MYH15: variants seen among roughly 807,000 people sequenced by gnomAD.
MYH15 encodes myosin-15.
MYH15 carries 227 observed loss-of-function variants against 240.5 expected under a neutral mutation model. The ratio of observed to expected loss-of-function variants is 0.94; its 90% CI spans 0.85 to 1.05. The LOEUF (loss-of-function observed/expected upper bound fraction) is 1.05. Ranked by LOEUF, MYH15 falls within the 50% of genes least tolerant of loss-of-function variation. The pLI, the probability that MYH15 is intolerant of heterozygous loss-of-function variation, is 0.00. For missense variants in MYH15, 2,217 were observed against 2,247.5 expected (o/e 0.99, Z 0.27); for synonymous variants, 785 against 796.7 (o/e 0.99, Z 0.25).
intron 5 of MYH15, among the ~76,000 whole-genome samples, chr3:108,499,032 C>T (rs2083415589): frequency 6.6e-6 from 1 of 152,202 alleles, no homozygotes. Context: ...GTTTCCACTG[C>T]TTCATGTACT....
At chr3:108,474,871 C>T (rs1018699395) in intron 12 of MYH15, among the ~76,000 whole-genome samples, 9 of 152,104 alleles carry the variant, frequency 5.9e-5, no homozygotes, top group Non-Finnish European at 1.2e-4. Context: ...GGAGCACTTA[C>T]GGCTTACAGG....
chr3:108,421,634 T>A (rs2082685308), intron 27 of MYH15, among the ~76,000 whole-genome samples: 1 of 152,100 alleles, frequency 6.6e-6, no homozygotes, highest in Non-Finnish European at 1.5e-5. Context: ...TATAGAATAG[T>A]GCCTGGCACA....
At chr3:108,548,629 C>G in the MYH15 span, among the ~76,000 whole-genome samples, 2 of 152,054 alleles carry the variant, frequency 1.3e-5, no homozygotes, top group African/African-American at 4.8e-5. Context: ...AAGTCACAAA[C>G]AGGACACATG....
intron 22 of MYH15, among the ~76,000 whole-genome samples, chr3:108,441,661 A>G (rs1560369293): frequency 6.6e-6 from 1 of 152,228 alleles, no homozygotes; most frequent in Non-Finnish European, 1.5e-5. Flanking sequence ...TTAAGAAAGC[A>G]GAGTTCCCTC....
At chr3:108,407,419 T>TG (rs2082554866) in intron 32 of MYH15, among the ~76,000 whole-genome samples, 1 of 152,198 alleles carries the variant, frequency 6.6e-6, no homozygotes, top group African/African-American at 2.4e-5. Context: ...GTCAGGAAGA[T>TG]GAAGTTCAGC....
At chr3:108,522,334 G>T (rs201000453) in intron 1 of MYH15, among the ~76,000 whole-genome samples, 7 of 152,198 alleles carry the variant, frequency 4.6e-5, no homozygotes, top group Middle Eastern at 3.4e-3. Flanking sequence ...GGTGACCCTG[G>T]AGATTCAAAT....
rs1413425830 is a variant in MYH15, at chr3:108,492,417, C to A, written c.871+83G>T. ...AGGTCTAAATAGGCTAAGAAACTTA[C>A]CGAATAACACTTTTTCATCCCCCAA... On this transcript the variant is annotated intron_variant, in intron 9 of 40. Transcript: ENST00000693548. The A allele has an allele frequency of 4.1e-6, 4 of 970,400 alleles. No individual in the cohort carries two copies. The African/African-American group carries it at 4.9e-5, about 12-fold the overall frequency. The allele number at this position is 970,400 out of a possible 1,614,324, so 60.1% of individuals were successfully genotyped here. A position where few individuals can be genotyped will look rare whatever the true frequency, so the allele number is the denominator to read the frequency against.
chr3:108,519,512 G>C (rs1487851889), intron 1 of MYH15, among the ~76,000 whole-genome samples: 1 of 152,124 alleles, frequency 6.6e-6, no homozygotes, highest in African/African-American at 2.4e-5. Context: ...AATGGAGCAG[G>C]CTGAAAGTAT....
chr3:108,484,406 G>C (rs185990874), intron 11 of MYH15, among the ~76,000 whole-genome samples: 1 of 152,194 alleles, frequency 6.6e-6, no homozygotes, highest in East Asian at 1.9e-4. Context: ...GGAATTCCAA[G>C]GGCCTTAGTT....
At chr3:108,443,378 C>G (rs894314260) in intron 22 of MYH15, among the ~76,000 whole-genome samples, 2 of 139,218 alleles carry the variant, frequency 1.4e-5, no homozygotes, top group African/African-American at 5.5e-5. Context: ...AAAAGAATAA[C>G]TTGTGTCAGT....
At position 108,394,036 on chromosome 3, in the gene MYH15, T is replaced by TGGCTG; in HGVS notation, c.5249_5253dup (p.Ile1752GlnfsTer12). On this transcript the variant is annotated frameshift_variant, in exon 36 of 41. Coordinates refer to ENST00000693548, the MANE Select transcript of MYH15 (RefSeq NM_014981.3). LOFTEE classifies it high-confidence loss of function. ...TACGTGGTCAAGGGACCCACCTCAA[T>TGGCTG]GGCTGCCTTCTTGGCCTTCTCTTCT... 6.2e-7 allele frequency: 1 copy of TGGCTG among 1,613,896 alleles called. No individual in the cohort carries two copies. The highest frequency in any genetic ancestry group is 8.5e-7 in the Non-Finnish European group (1 of 1,179,972).
chr3:108,423,490 T>C (rs908918310), intron 27 of MYH15, among the ~76,000 whole-genome samples: 5 of 152,190 alleles, frequency 3.3e-5, no homozygotes, highest in Admixed American at 6.5e-5. Flanking sequence ...ACATGCTCAA[T>C]TGTCCCCACT....
At chr3:108,533,422 GAATTA>G (rs1412539319), upstream of MYH15, among the ~76,000 whole-genome samples, 2 of 151,884 alleles carry the variant, frequency 1.3e-5, no homozygotes, top group East Asian at 3.9e-4. Flanking sequence ...TTAAATTATT[GAATTA>G]AATTAAAATG....
chr3:108,439,154 GA>G (rs2082865252), intron 24 of MYH15, among the ~76,000 whole-genome samples: 1 of 152,070 alleles, frequency 6.6e-6, no homozygotes. Context: ...GCTGGGGTGG[GA>G]AAAAGGAAGA....
intron 38 of MYH15, among the ~76,000 whole-genome samples, chr3:108,387,213 C>G (rs2082390204): frequency 6.6e-6 from 1 of 152,170 alleles, no homozygotes; most frequent in African/African-American, 2.4e-5. Flanking sequence ...GGGCTATCAC[C>G]AAACACCCTG....
chr3:108,507,226 AATAT>A (rs147101810), intron 1 of MYH15, among the ~76,000 whole-genome samples: 1,519 of 97,762 alleles, frequency 0.016, 24 homozygotes, highest in Non-Finnish European at 0.02. Context: ...AAGGAAAATG[AATAT>A]ATATATATAT....
At chr3:108,502,523 A>G (rs2107239991) in intron 2 of MYH15, among the ~76,000 whole-genome samples, 1 of 152,308 alleles carries the variant, frequency 6.6e-6, no homozygotes, top group South Asian at 2.1e-4. Context: ...TGTTGTCATA[A>G]TAACTATAGT....
At position 108,470,088 on chromosome 3, in the gene MYH15, A is replaced by G; in HGVS notation, c.1508T>C (p.Ile503Thr). ...YKKESIEWVS[I>T]GFGLDLQACI... ...AGCTTGCAAATCCAGACCAAAGCCAATAGACACCCATTCAATGCTTTCTTT... is the reference window on the plus strand; with the variant it reads ...AGCTTGCAAATCCAGACCAAAGCCAGTAGACACCCATTCAATGCTTTCTTT... Residue 503 changes from isoleucine to threonine, a missense_variant, in exon 14 of 41, where the codon ATT becomes ACT. Physicochemically the swap from Ile to Thr is moderately conservative, Grantham distance 89. Transcript: ENST00000693548. 1.2e-6 allele frequency: 2 copies of G among 1,611,802 alleles called. No individual in the cohort carries two copies. Among genetic ancestry groups the G allele is most frequent in the South Asian group, 2.2e-5 (2 of 90,498 alleles).
At position 108,426,815 on chromosome 3, in the gene MYH15, G is replaced by A. The variant is rs374821622; in HGVS notation, c.3702+1677C>T. On this transcript the variant is annotated intron_variant, in intron 27 of 40. Coordinates refer to ENST00000693548, the MANE Select transcript of MYH15 (RefSeq NM_014981.3). ...TTCAATTCCTGAGAGCTCCTGCCAG[G>A]GGGGGGCAGTGCTACATGGGGCCCT... is the stretch of plus-strand genomic sequence containing the variant. Among the ~76,000 whole-genome samples, 10 of 152,142 alleles carry A rather than the reference G, an allele frequency of 6.6e-5. No homozygotes were observed. In the East Asian group the frequency reaches 7.7e-4, roughly 12 times the overall value.
Sources: allele counts gnomAD v4.1 joint callset (sites outside exome capture counted in the v4.1 genomes callset), GRCh38; gene constraint gnomAD v4.1.1; transcripts MANE v1.5; gene names NCBI Gene and HGNC (gene_info 2026-07-23, HGNC 2026-07-21).